CEP152: variants seen among roughly 807,000 people sequenced by gnomAD.
CEP152 encodes centrosomal protein of 152 kDa.
CEP152 carries 132 observed loss-of-function variants against 188.9 expected under a neutral mutation model. The observed-to-expected ratio is 0.70, with a 90% confidence interval of 0.61 to 0.81. The LOEUF is 0.81. Among genes scored for constraint, CEP152 ranks in the 30% least tolerant of loss-of-function variants. CEP152 has a pLI of 0.00. For synonymous variants in CEP152, 649 were observed against 666.6 expected (o/e 0.97, Z 0.41); for missense variants, 1,914 against 1,969.8 (o/e 0.97, Z 0.54).
chr15:48,782,298 A>G (rs1453127550), intron 10 of CEP152, 68 bp from the exon 11 acceptor site: 1 of 1,343,964 alleles, frequency 7.4e-7, no homozygotes, highest in Non-Finnish European at 1.1e-6. Flanking sequence ...GATCTACAGA[A>G]GACTTGAATC....
At chr15:48,752,995 T>C (rs992391834) in intron 20 of CEP152, among the ~76,000 whole-genome samples, 1 of 152,232 alleles carries the variant, frequency 6.6e-6, no homozygotes, top group Non-Finnish European at 1.5e-5. Flanking sequence ...GAAGGCCAGC[T>C]GAATGCCAAA....
chr15:48,736,878 T>G (rs1467773514), downstream of CEP152, among the ~76,000 whole-genome samples: 1 of 152,278 alleles, frequency 6.6e-6, no homozygotes, highest in African/African-American at 2.4e-5. Context: ...CTTAAAACGA[T>G]CAAGCACCAA....
intron 2 of CEP152, among the ~76,000 whole-genome samples, chr15:48,801,676 G>C (rs1414115957): frequency 2.0e-5 from 3 of 152,176 alleles, no homozygotes; most frequent in Non-Finnish European, 4.4e-5. Flanking sequence ...GCTACTTCTG[G>C]TGACACTGCA....
At chr15:48,733,599 A>T (rs891768908), downstream of CEP152, among the ~76,000 whole-genome samples, 1 of 150,698 alleles carries the variant, frequency 6.6e-6, no homozygotes, top group Non-Finnish European at 1.5e-5. Flanking sequence ...AGAAAAAAAT[A>T]ATTGAAGAAA....
chr15:48,775,891 T>C (rs1895861153), intron 12 of CEP152, among the ~76,000 whole-genome samples: 2 of 149,918 alleles, frequency 1.3e-5, no homozygotes, highest in Non-Finnish European at 3.0e-5. Flanking sequence ...GTGTCTTTTA[T>C]GGTATGTGAA....
At chr15:48,809,820 G>A (rs1898213194) in intron 1 of CEP152, among the ~76,000 whole-genome samples, 1 of 152,178 alleles carries the variant, frequency 6.6e-6, no homozygotes, top group South Asian at 2.1e-4. Flanking sequence ...AGCTACCGAA[G>A]AGGTTTAGGG....
intron 17 of CEP152, among the ~76,000 whole-genome samples, chr15:48,766,160 C>T (rs943475734): frequency 3.9e-5 from 6 of 152,174 alleles, no homozygotes; most frequent in African/African-American, 1.4e-4. Context: ...CCATATTAAT[C>T]TATTCAACAA....
intron 10 of CEP152, among the ~76,000 whole-genome samples, chr15:48,782,574 C>A (rs192012249): frequency 6.6e-6 from 1 of 152,232 alleles, no homozygotes; most frequent in Admixed American, 6.5e-5. Context: ...AGAAAAAATT[C>A]TTTGGAACCC....
At chr15:48,797,762 C>T (rs768264507) in intron 3 of CEP152, 32 bp from the exon 4 acceptor site, 18 of 1,607,742 alleles carry the variant, frequency 1.1e-5, no homozygotes, top group East Asian at 2.2e-5. Context: ...CGATTTAAAG[C>T]GTATCATTTA....
At position 48,768,591 on chromosome 15, in the gene CEP152, T is replaced by C. The variant is rs150520683; in HGVS notation, c.1909-263A>G. Among the ~76,000 whole-genome samples the C allele has an allele frequency of 6.6e-4, 100 of 152,318 alleles. 1 individual carries two copies. Among genetic ancestry groups the C allele is most frequent in the African/African-American group, 2.4e-3 (99 of 41,584 alleles). ...TTTGAAATATATAAAATGAAAATAT[T>C]TAACCAGAGAAGTATTGGCTAGCTG... On this transcript the variant is annotated intron_variant, in intron 14 of 26. Coordinates refer to ENST00000380950, the MANE Select transcript of CEP152 (RefSeq NM_001194998.2).
intron 17 of CEP152, among the ~76,000 whole-genome samples, chr15:48,764,099 T>C (rs1894889008): frequency 6.6e-6 from 1 of 152,192 alleles, no homozygotes. Context: ...TGGATGATTA[T>C]GTAAGTGCCT....
Position 48,797,704 on chromosome 15 carries a change from A to C in CEP152, c.218T>G (p.Met73Arg). 1 of 1,614,078 alleles carries C rather than the reference A, an allele frequency of 6.2e-7. No homozygotes were observed. Among genetic ancestry groups the C allele is most frequent in the South Asian group, 1.1e-5 (1 of 91,076 alleles). Residue 73 changes from methionine to arginine, a missense_variant, in exon 4 of 27, where the codon ATG (methionine) becomes AGG (arginine). Coordinates refer to ENST00000380950, the MANE Select transcript of CEP152 (RefSeq NM_001194998.2). ...GQPHHPEQLE[M>R]SWNEQMLPKS... ...GGGCAGCATTTGCTCATTCCAGCTC[A>C]TCTCCAATTGCTCAGGATGATGTGG...
At chr15:48,780,540 T>C (rs1012366553) in intron 12 of CEP152, among the ~76,000 whole-genome samples, 4 of 152,200 alleles carry the variant, frequency 2.6e-5, no homozygotes, top group Non-Finnish European at 5.9e-5. Context: ...CATCTTAAAC[T>C]ATAAACAAAA....
intron 7 of CEP152, 106 bp from the exon 8 acceptor site, chr15:48,791,482 T>G (rs1000028429): frequency 7.1e-6 from 7 of 989,022 alleles, no homozygotes; most frequent in Non-Finnish European, 7.6e-6. Flanking sequence ...TGTTGTTGAA[T>G]TAAATTTAAT....
intron 1 of CEP152, among the ~76,000 whole-genome samples, chr15:48,808,241 C>T (rs1408774866): frequency 2.7e-5 from 4 of 148,750 alleles, no homozygotes; most frequent in Non-Finnish European, 5.9e-5. Context: ...ATATTCAGAA[C>T]AACAAAAGAG....
At position 48,797,248 on chromosome 15, in the gene CEP152, C is replaced by A. The variant is rs186463794; in HGVS notation, c.540+53G>T. ...ATTTCCTGAACACACACAAACATCA[C>A]GCAAATGCGTGTGCACACACACAAG... On this transcript the variant is annotated intron_variant, in intron 5 of 26. Transcript: ENST00000380950. 1,410 of 1,591,658 alleles carry A rather than the reference C, an allele frequency of 8.9e-4. 11 individuals are homozygous for A. In the African/African-American group the frequency reaches 0.017, roughly 20 times the overall value.
At position 48,796,027 on chromosome 15, in the gene CEP152, A is replaced by C. The variant is rs759683033; in HGVS notation, c.674T>G (p.Phe225Cys). ...ATACCTACTCTCATTAGCTCCTAAA[A>C]ATTGTTGTTGCAGGCCTTCGAATGT... ...SDTFEGLQQQ[F>C]LGANENSAEN... The change falls in exon 6 of 27, where the codon TTT becomes TGT. Residue 225 changes from phenylalanine (F) to cysteine (C), a missense_variant. Transcript: ENST00000380950. The C allele has an allele frequency of 3.7e-6, 6 of 1,613,796 alleles. No homozygotes were observed. The East Asian group carries it at 1.1e-4, about 30-fold the overall frequency.
At chr15:48,730,626 C>T (rs1285140844) in intron 2 of CEP152, among the ~76,000 whole-genome samples, 1 of 152,174 alleles carries the variant, frequency 6.6e-6, no homozygotes, top group Non-Finnish European at 1.5e-5. Context: ...TGCACAGACA[C>T]ATCAGCATAG....
At chr15:48,799,656 G>C (rs775224853) in intron 2 of CEP152, among the ~76,000 whole-genome samples, 2 of 152,082 alleles carry the variant, frequency 1.3e-5, no homozygotes, top group African/African-American at 4.8e-5. Context: ...TTGAGAATTA[G>C]CCATATCAGA....
Sources: allele counts gnomAD v4.1 joint callset (sites outside exome capture counted in the v4.1 genomes callset), GRCh38; gene constraint gnomAD v4.1.1; transcripts MANE v1.5; gene names NCBI Gene and HGNC (gene_info 2026-07-23, HGNC 2026-07-21).